The following ADAMTS18 variants were observed in gnomAD, a reference collection of about 807,000 sequenced individuals.
ADAMTS18 encodes the protein A disintegrin and metalloproteinase with thrombospondin motifs 18.
Under a neutral mutation model 165.9 loss-of-function variants are expected in ADAMTS18, and 157 were observed. The ratio of observed to expected loss-of-function variants is 0.95; its 90% confidence interval spans 0.83 to 1.08. ADAMTS18 has a LOEUF of 1.08. Ranked by LOEUF, ADAMTS18 falls within the 50% of genes least tolerant of loss-of-function variation. The probability of loss-of-function intolerance (pLI) is 0.00; values close to 1 mark genes in which losing one functional copy is unlikely to be tolerated. For missense variants in ADAMTS18, 2,040 were observed against 1,534.0 expected (o/e 1.33, Z -5.51); for synonymous variants, 782 against 578.2 (o/e 1.35, Z -5.06).
At chr16:77,320,832 A>G (rs974470725) in intron 15 of ADAMTS18, among the ~76,000 whole-genome samples, 3 of 152,210 alleles carry the variant, frequency 2.0e-5, no homozygotes, top group Non-Finnish European at 2.9e-5. Context: ...TTGGACATAC[A>G]TGGGGCCTGG....
chr16:77,292,983 C>G (rs773648345), intron 20 of ADAMTS18, 93 bp downstream of exon 20: 1 of 1,540,948 alleles, frequency 6.5e-7, no homozygotes, highest in East Asian at 2.3e-5. Flanking sequence ...CCTTGCCTGG[C>G]TAATTTTTTG....
chr16:77,344,652 A>G (rs966603594), intron 10 of ADAMTS18, among the ~76,000 whole-genome samples: 2 of 152,156 alleles, frequency 1.3e-5, no homozygotes, highest in African/African-American at 4.8e-5. Context: ...AGGGCAGACC[A>G]AAGAAAAGGA....
intron 16 of ADAMTS18, among the ~76,000 whole-genome samples, chr16:77,314,548 G>A (rs1308158811): frequency 6.7e-6 from 1 of 149,472 alleles, no homozygotes; most frequent in Non-Finnish European, 1.5e-5. Context: ...GTAGGCGGAG[G>A]TTGCAGTGAG....
chr16:77,377,976 A>G (rs1011067626), intron 3 of ADAMTS18, among the ~76,000 whole-genome samples: 5 of 152,214 alleles, frequency 3.3e-5, no homozygotes, highest in Admixed American at 2.0e-4. Context: ...CTAAGTAAAG[A>G]AAATGCTGAG....
At chr16:77,368,437 CTTTTTTT>C (rs892324445) in intron 3 of ADAMTS18, among the ~76,000 whole-genome samples, 16 of 132,978 alleles carry the variant, frequency 1.2e-4, no homozygotes, top group African/African-American at 4.5e-4. Flanking sequence ...TTCTTTTTTT[CTTTTTTT>C]TTTTTTTTTT....
chr16:77,329,570 T>C (rs948918674), intron 12 of ADAMTS18, among the ~76,000 whole-genome samples: 1 of 150,956 alleles, frequency 6.6e-6, no homozygotes, highest in African/African-American at 2.5e-5. Flanking sequence ...AAATAAATTA[T>C]AACTATTTTT....
At chr16:77,311,491 T>G (rs775448972) in intron 16 of ADAMTS18, among the ~76,000 whole-genome samples, 2 of 152,220 alleles carry the variant, frequency 1.3e-5, no homozygotes, top group Non-Finnish European at 2.9e-5. Context: ...CAGTCCACTT[T>G]TGGGAAAATA....
intron 3 of ADAMTS18, among the ~76,000 whole-genome samples, chr16:77,422,114 C>G (rs1028390557): frequency 1.3e-5 from 2 of 152,016 alleles, no homozygotes; most frequent in African/African-American, 4.8e-5. Context: ...TGCTATGCAT[C>G]GTTCCAGACC....
chr16:77,366,194 C>G (rs1488329136), intron 4 of ADAMTS18, among the ~76,000 whole-genome samples: 2 of 152,184 alleles, frequency 1.3e-5, no homozygotes, highest in African/African-American at 4.8e-5. Context: ...ACTTGGCGCA[C>G]AGTTTCCATG....
Position 77,351,452 on chromosome 16 carries a change from C to T in ADAMTS18, c.1614+2281G>A, listed in dbSNP as rs190289175. Among the ~76,000 whole-genome samples the T allele has an allele frequency of 1.7e-3, 265 of 152,242 alleles. 2 individuals carry two copies. Among genetic ancestry groups the T allele is most frequent in the Non-Finnish European group, 3.1e-3 (210 of 68,008 alleles). On this transcript the variant is annotated intron_variant, in intron 10 of 22. Transcript: ENST00000282849. ...AAGGTTGTTTAAGCCCTGCACACTG[C>T]CTGACACAGACCAGGTACCCCACAA... is the stretch of plus-strand genomic sequence containing the variant.
Position 77,364,191 on chromosome 16 carries a change from G to T in ADAMTS18, c.969C>A (p.Asn323Lys), listed in dbSNP as rs2144736558. Residue 323 changes from asparagine to lysine, a missense_variant, in exon 5 of 23, where the codon AAC becomes AAA. Transcript: ENST00000282849. ...NVTTYILTVM[N>K]MVSGLFKDGT... Reference sequence around the variant, plus strand: ...GGTTTGTGACACCCCCGCTTACCATGTTCATTACTGTGAGAATGTATGTGG... The same window carrying T: ...GGTTTGTGACACCCCCGCTTACCATTTTCATTACTGTGAGAATGTATGTGG... 6.2e-7 allele frequency: 1 copy of T among 1,614,056 alleles called. No individual in the cohort carries two copies. The highest frequency in any genetic ancestry group is 2.2e-5 in the East Asian group (1 of 44,860).
intron 5 of ADAMTS18, 73 bp downstream of exon 5, chr16:77,364,115 C>T: frequency 1.9e-6 from 3 of 1,586,908 alleles, no homozygotes; most frequent in Non-Finnish European, 2.6e-6. Context: ...ACCTGCTATT[C>T]AACCCATGCA....
chr16:77,385,055 T>C (rs1303673455), intron 3 of ADAMTS18, among the ~76,000 whole-genome samples: 1 of 151,928 alleles, frequency 6.6e-6, no homozygotes, highest in East Asian at 1.9e-4. Context: ...ATTACAGACG[T>C]GCACCACCAT....
At position 77,282,913 on chromosome 16, in the gene ADAMTS18, T is replaced by TA. The variant is rs1436453183; in HGVS notation, c.*1042_*1043insT. ...TTACTCCTTTCTTTCTCTCTTTTTT[T>TA]TTTTTTTTTTTTTGCTGTTAGCTCA... On this transcript the variant is annotated 3_prime_UTR_variant, in exon 23 of 23. Coordinates refer to ENST00000282849, the MANE Select transcript of ADAMTS18 (RefSeq NM_199355.4). 1 of 146,420 alleles carries TA rather than the reference T, an allele frequency of 6.8e-6. No homozygotes were observed. Among genetic ancestry groups the TA allele is most frequent in the Non-Finnish European group, 1.5e-5 (1 of 66,252 alleles). 9.1% of individuals were successfully genotyped at this position (146,420 alleles called of 1,614,324 possible).
chr16:77,409,483 G>C (rs1176066692), intron 3 of ADAMTS18, among the ~76,000 whole-genome samples: 1 of 152,102 alleles, frequency 6.6e-6, no homozygotes. Context: ...TGATATGACA[G>C]GATAAATAGT....
At chr16:77,329,707 G>C (rs964945721) in intron 12 of ADAMTS18, among the ~76,000 whole-genome samples, 3 of 152,048 alleles carry the variant, frequency 2.0e-5, no homozygotes, top group African/African-American at 7.2e-5. Flanking sequence ...GTAATTGCTA[G>C]CAAGCATTTG....
intron 3 of ADAMTS18, among the ~76,000 whole-genome samples, chr16:77,412,300 G>A (rs1045389363): frequency 2.6e-5 from 4 of 151,980 alleles, no homozygotes; most frequent in Non-Finnish European, 2.9e-5. Context: ...TCTTTATAAC[G>A]CATGAGTCAA....
At chr16:77,365,217 G>C (rs1255066135) in intron 4 of ADAMTS18, among the ~76,000 whole-genome samples, 1 of 151,996 alleles carries the variant, frequency 6.6e-6, no homozygotes, top group Non-Finnish European at 1.5e-5. Flanking sequence ...TTAGTAGAAT[G>C]GATCAACAAA....
intron 3 of ADAMTS18, among the ~76,000 whole-genome samples, chr16:77,410,236 T>C (rs1465248845): frequency 6.6e-6 from 1 of 151,658 alleles, no homozygotes; most frequent in Non-Finnish European, 1.5e-5. Flanking sequence ...TTATTAATGT[T>C]GGTCATAACC....
Sources: allele counts gnomAD v4.1 joint callset (sites outside exome capture counted in the v4.1 genomes callset), GRCh38; gene constraint gnomAD v4.1.1; transcripts MANE v1.5; gene names NCBI Gene and HGNC (gene_info 2026-07-23, HGNC 2026-07-21).